The following PLPPR1 variants were observed in gnomAD, a reference collection of about 807,000 sequenced individuals.
PLPPR1 encodes phospholipid phosphatase related 1.
A neutral mutation model predicts 33.1 loss-of-function variants in PLPPR1; 10 were observed. The observed-to-expected ratio is 0.30, with a 90% CI of 0.19 to 0.51. PLPPR1 has a LOEUF of 0.51. Ranked by LOEUF, PLPPR1 falls within the 20% of genes least tolerant of loss-of-function variation. The probability of loss-of-function intolerance (pLI) is 0.97; values close to 1 mark genes in which losing one functional copy is unlikely to be tolerated. For missense variants in PLPPR1, 304 were observed against 408.1 expected, an observed-to-expected ratio of 0.74 and a Z score of 2.20; for synonymous variants, 151 against 151.0, an observed-to-expected ratio of 1.00 and a Z score of 0.00.
chr9:101,197,816 A>G (rs1826425054), intron 2 of PLPPR1, among the ~76,000 whole-genome samples: 1 of 152,280 alleles, frequency 6.6e-6, no homozygotes, highest in Non-Finnish European at 1.5e-5. Flanking sequence ...ATACAAAGTT[A>G]CAGACTGGTT....
At chr9:101,081,842 G>T (rs1184571852) in intron 1 of PLPPR1, among the ~76,000 whole-genome samples, 2 of 152,198 alleles carry the variant, frequency 1.3e-5, no homozygotes, top group Non-Finnish European at 2.9e-5. Context: ...CTTGTGAGTA[G>T]CTGAATTGAC....
At chr9:101,280,223 C>T (rs1196722951) in intron 3 of PLPPR1, among the ~76,000 whole-genome samples, 1 of 151,972 alleles carries the variant, frequency 6.6e-6, no homozygotes, top group Non-Finnish European at 1.5e-5. Context: ...ATACAACTTA[C>T]CAAGATTGAG....
chr9:101,143,336 G>A (rs949846488), intron 1 of PLPPR1, among the ~76,000 whole-genome samples: 2 of 152,082 alleles, frequency 1.3e-5, no homozygotes, highest in African/African-American at 2.4e-5. Context: ...TAGGTCTGGG[G>A]TGGTGCTATG....
chr9:101,145,011 A>G (rs1365446191), intron 1 of PLPPR1, among the ~76,000 whole-genome samples: 2 of 152,076 alleles, frequency 1.3e-5, no homozygotes, highest in East Asian at 1.9e-4. Flanking sequence ...GACCTATCAT[A>G]TAGTGTTTGT....
At chr9:101,143,347 G>A (rs981396125) in intron 1 of PLPPR1, among the ~76,000 whole-genome samples, 3 of 152,012 alleles carry the variant, frequency 2.0e-5, no homozygotes, top group African/African-American at 7.2e-5. Flanking sequence ...TGGTGCTATG[G>A]GCTGCATTGT....
At chr9:101,057,529 G>T (rs1014337896) in intron 1 of PLPPR1, among the ~76,000 whole-genome samples, 1 of 151,500 alleles carries the variant, frequency 6.6e-6, no homozygotes, top group African/African-American at 2.4e-5. Context: ...CAAGGTGATG[G>T]TATATTGTAA....
intron 2 of PLPPR1, among the ~76,000 whole-genome samples, chr9:101,217,247 TA>T (rs879907087): frequency 2.0e-5 from 3 of 151,452 alleles, no homozygotes; most frequent in African/African-American, 4.8e-5. Context: ...CTGCCCTGCT[TA>T]AAAAAAAATC....
intron 2 of PLPPR1, among the ~76,000 whole-genome samples, chr9:101,257,590 C>T (rs1392459204): frequency 2.0e-5 from 3 of 152,126 alleles, no homozygotes; most frequent in Non-Finnish European, 4.4e-5. Context: ...CGAGCAATTT[C>T]AGGAGCTTTA....
At chr9:101,234,965 T>G (rs2118829330) in intron 2 of PLPPR1, among the ~76,000 whole-genome samples, 1 of 152,102 alleles carries the variant, frequency 6.6e-6, no homozygotes, top group African/African-American at 2.4e-5. Context: ...TAACATATTC[T>G]TGAGTACAGG....
chr9:101,087,660 A>G (rs1830695136), intron 1 of PLPPR1, among the ~76,000 whole-genome samples: 1 of 152,198 alleles, frequency 6.6e-6, no homozygotes, highest in Admixed American at 6.6e-5. Flanking sequence ...TGAACAGGAA[A>G]CCACATTTAC....
intron 2 of PLPPR1, among the ~76,000 whole-genome samples, chr9:101,256,094 C>T (rs1285802084): frequency 4.6e-5 from 7 of 152,138 alleles, no homozygotes; most frequent in East Asian, 3.9e-4. Flanking sequence ...TCTTAGTTTC[C>T]GCTCCTGCTC....
At chr9:101,243,526 C>T (rs1366895047) in intron 2 of PLPPR1, among the ~76,000 whole-genome samples, 1 of 151,934 alleles carries the variant, frequency 6.6e-6, no homozygotes, top group African/African-American at 2.4e-5. Flanking sequence ...ATGGATGACT[C>T]TCCATTTTCT....
chr9:101,142,025 T>G lies in PLPPR1; in HGVS notation c.-45-43425T>G, dbSNP rs147777280. 6.5e-4 allele frequency among the ~76,000 whole-genome samples: 99 copies of G among 152,328 alleles called. 1 individual carries two copies. Among genetic ancestry groups the G allele is most frequent in the African/African-American group, 2.2e-3 (91 of 41,588 alleles). ...TGTTCAGCCAATCTACTTTTTATCT[T>G]CCAGTGTCTAGTCCAAACCATTACC... On this transcript the variant is annotated intron_variant, in intron 1 of 7. Transcript: ENST00000374874.
At chr9:101,307,854 C>T (rs370784885) in intron 4 of PLPPR1, among the ~76,000 whole-genome samples, 1 of 152,186 alleles carries the variant, frequency 6.6e-6, no homozygotes, top group African/African-American at 2.4e-5. Context: ...TTGTCAACTT[C>T]TACCTTCAAT....
At chr9:101,228,048 G>A (rs902547185) in intron 2 of PLPPR1, among the ~76,000 whole-genome samples, 1 of 152,100 alleles carries the variant, frequency 6.6e-6, no homozygotes, top group Non-Finnish European at 1.5e-5. Flanking sequence ...CAAAGTGCTG[G>A]GATTACAGAC....
chr9:101,303,582 G>A (rs1341330042), intron 4 of PLPPR1, among the ~76,000 whole-genome samples: 3 of 152,242 alleles, frequency 2.0e-5, no homozygotes, highest in Admixed American at 6.5e-5. Flanking sequence ...ATTACAGCAT[G>A]AGCCACTGTG....
intron 1 of PLPPR1, among the ~76,000 whole-genome samples, chr9:101,181,528 G>A (rs1330224970): frequency 6.6e-6 from 1 of 150,992 alleles, no homozygotes; most frequent in East Asian, 1.9e-4. Context: ...GTTCATTGCA[G>A]CATTATTCAC....
At chr9:101,276,681 GAT>G (rs1376328551) in intron 3 of PLPPR1, among the ~76,000 whole-genome samples, 1 of 152,178 alleles carries the variant, frequency 6.6e-6, no homozygotes, top group Non-Finnish European at 1.5e-5. Flanking sequence ...CAGATAAAAA[GAT>G]ATAAGAGAAC....
intron 1 of PLPPR1, among the ~76,000 whole-genome samples, chr9:101,144,392 C>A (rs1386769431): frequency 6.6e-6 from 1 of 151,994 alleles, no homozygotes; most frequent in Non-Finnish European, 1.5e-5. Flanking sequence ...TGCACATGTG[C>A]CCTAGAACTT....
Sources: gnomAD v4.1 joint callset for allele counts (sites outside exome capture counted in the v4.1 genomes callset) on GRCh38, gnomAD v4.1.1 for gene constraint, MANE v1.5 for transcripts, NCBI Gene and HGNC (gene_info 2026-07-23, HGNC 2026-07-21) for gene names.